The following NGLY1 variants were observed in gnomAD, a reference collection of about 807,000 sequenced individuals.
NGLY1 encodes peptide-N(4)-(N-acetyl-beta-glucosaminyl)asparagine amidase.
A neutral mutation model predicts 84.6 loss-of-function variants in NGLY1; 68 were observed. That is an observed-to-expected ratio of 0.80 (90% CI 0.66 to 0.98). The LOEUF (loss-of-function observed/expected upper bound fraction) is 0.98, where lower values mean the gene tolerates loss of function less well. Ranked by LOEUF, NGLY1 falls within the 50% of genes least tolerant of loss-of-function variation. The pLI, the probability that NGLY1 is intolerant of heterozygous loss-of-function variation, is 0.00. For synonymous variants in NGLY1, 280 were observed against 275.2 expected (o/e 1.02, Z -0.17); for missense variants, 779 against 770.2 (o/e 1.01, Z -0.14).
intron 4 of NGLY1, among the ~76,000 whole-genome samples, chr3:25,749,029 C>G (rs912748966): frequency 1.3e-5 from 2 of 151,986 alleles, no homozygotes; most frequent in Non-Finnish European, 2.9e-5. Context: ...AAATGCAAAT[C>G]AAAACTACAG....
chr3:25,773,189 GAGA>G (rs1707981627), intron 2 of NGLY1, among the ~76,000 whole-genome samples: 1 of 151,680 alleles, frequency 6.6e-6, no homozygotes, highest in Admixed American at 6.6e-5. Context: ...AGGAAGGCCA[GAGA>G]AGTTTTCCTC....
At chr3:25,734,011 T>C in intron 7 of NGLY1, 29 bp from the exon 8 acceptor site, 1 of 1,606,366 alleles carries the variant, frequency 6.2e-7, no homozygotes, top group South Asian at 1.1e-5. Context: ...TACAAATACT[T>C]AACAAGATTA....
chr3:25,784,717 C>G (rs561030124), upstream of NGLY1, among the ~76,000 whole-genome samples: 258 of 152,284 alleles, frequency 1.7e-3, no homozygotes, highest in African/African-American at 5.9e-3. Context: ...GCTATGACAT[C>G]CAGTTCAATG....
intron 10 of NGLY1, 68 bp from the exon 11 acceptor site, chr3:25,720,259 A>G (rs1704917449): frequency 7.8e-7 from 1 of 1,279,394 alleles, no homozygotes; most frequent in South Asian, 1.4e-5. Flanking sequence ...AAACAAACTT[A>G]GTGAAGAATA....
chr3:25,763,576 G>C (rs1191733427), intron 3 of NGLY1, among the ~76,000 whole-genome samples: 1 of 152,166 alleles, frequency 6.6e-6, no homozygotes, highest in African/African-American at 2.4e-5. Context: ...CTTAGGAGAA[G>C]AATATGTAAG....
At position 25,737,456 on chromosome 3, in the gene NGLY1, C is replaced by T. The variant is rs1247436795; in HGVS notation, c.882-1G>A. 6.3e-7 allele frequency: 1 copy of T among 1,593,334 alleles called. No individual in the cohort carries two copies. On this transcript the variant is annotated splice_acceptor_variant, in intron 5 of 11. Transcript: ENST00000280700. LOFTEE classifies it high-confidence loss of function. ...CAAAAGTTTCTCAGGGTTATTATATCTGGTTTAAAAAGAAAAAAAACCTTA... is the reference window on the plus strand; with the variant it reads ...CAAAAGTTTCTCAGGGTTATTATATTTGGTTTAAAAAGAAAAAAAACCTTA...
Position 25,732,464 on chromosome 3 carries a change from T to C in NGLY1, c.1280A>G (p.Glu427Gly). The C allele has an allele frequency of 6.2e-7, 1 of 1,613,168 alleles. No homozygotes were observed. The highest frequency in any genetic ancestry group is 2.2e-5 in the East Asian group (1 of 44,846). ...LNKQRQLFLS[E>G]NRRKELLQRI... ...CTGGAGAAGTTCTTTCCTTCTGTTT[T>C]CTGACAAAAACAGTTGCCTCTGTAA... Residue 427 changes from glutamate to glycine, a missense_variant, in exon 9 of 12, where the codon GAA becomes GGA. Coordinates refer to ENST00000280700, the MANE Select transcript of NGLY1 (RefSeq NM_018297.4).
At position 25,751,184 on chromosome 3, in the gene NGLY1, T is replaced by G; in HGVS notation, c.572A>C (p.Gln191Pro). ...CGGAATACAAGCCAACGCTTTCTCC[T>G]GAAGAGCAGGATTTTCATAGACCAG... ...HVLVYENPAL[Q>P]EKALACIPVQ... Residue 191 changes from glutamine (Q) to proline (P), a missense_variant, in exon 4 of 12, where the codon CAG becomes CCG. Transcript: ENST00000280700. 1 of 1,613,756 alleles carries G rather than the reference T, an allele frequency of 6.2e-7. No individual in the cohort carries two copies. The highest frequency in any genetic ancestry group is 8.5e-7 in the Non-Finnish European group (1 of 1,179,852).
At chr3:25,775,234 G>A (rs1015187674) in intron 2 of NGLY1, among the ~76,000 whole-genome samples, 3 of 152,200 alleles carry the variant, frequency 2.0e-5, no homozygotes, top group African/African-American at 7.2e-5. Flanking sequence ...CACGATGTGA[G>A]TTTCCAGGCA....
intron 4 of NGLY1, 45 bp downstream of exon 4, chr3:25,751,053 G>T (rs776626105): frequency 2.6e-6 from 4 of 1,557,340 alleles, no homozygotes; most frequent in Non-Finnish European, 3.5e-6. Flanking sequence ...TGTTTATTTA[G>T]CAATGATTTA....
chr3:25,787,714 C>A (rs1049418526), upstream of NGLY1, among the ~76,000 whole-genome samples: 1 of 152,206 alleles, frequency 6.6e-6, no homozygotes, highest in Non-Finnish European at 1.5e-5. Flanking sequence ...CATATGGTCT[C>A]TGAACTACGG....
At chr3:25,733,740 A>G (rs1705673994) in intron 8 of NGLY1, 132 bp downstream of exon 8, 3 of 462,224 alleles carry the variant, frequency 6.5e-6, no homozygotes, top group African/African-American at 6.0e-5. Context: ...TAATATTCAA[A>G]AAGAATATTA....
chr3:25,781,776 A>G (rs1028071528), intron 1 of NGLY1, among the ~76,000 whole-genome samples: 7 of 152,318 alleles, frequency 4.6e-5, no homozygotes, highest in African/African-American at 1.7e-4. Context: ...TTTGCATGCA[A>G]AGGTTTCCCC....
chr3:25,781,819 T>C (rs1393729611), intron 1 of NGLY1, among the ~76,000 whole-genome samples: 10 of 152,230 alleles, frequency 6.6e-5, no homozygotes, highest in Admixed American at 6.5e-4. Flanking sequence ...TGGGTTTCAC[T>C]AGATTTAAAG....
chr3:25,763,788 C>G (rs1707426471), intron 3 of NGLY1, among the ~76,000 whole-genome samples: 2 of 152,040 alleles, frequency 1.3e-5, no homozygotes, highest in Non-Finnish European at 2.9e-5. Flanking sequence ...CCTAAAGAAG[C>G]TTTTTTATTG....
At chr3:25,762,096 A>G (rs1575647911) in intron 3 of NGLY1, among the ~76,000 whole-genome samples, 1 of 152,192 alleles carries the variant, frequency 6.6e-6, no homozygotes, top group Non-Finnish European at 1.5e-5. Flanking sequence ...GCAAACGTCA[A>G]CATCAGTGAC....
chr3:25,720,275 G>A, intron 10 of NGLY1, 84 bp from the exon 11 acceptor site: 1 of 1,098,694 alleles, frequency 9.1e-7, no homozygotes, highest in Non-Finnish European at 1.3e-6. Flanking sequence ...GAATATTACT[G>A]TCACAGGGTA....
chr3:25,779,447 A>G (rs1708311129), intron 1 of NGLY1, among the ~76,000 whole-genome samples: 1 of 152,246 alleles, frequency 6.6e-6, no homozygotes, highest in Admixed American at 6.5e-5. Context: ...ATTATATTCA[A>G]AAGACCCTCA....
Position 25,745,063 on chromosome 3 carries a change from C to CTA in NGLY1, c.659-5266_659-5265dup, listed in dbSNP as rs538110237. On this transcript the variant is annotated intron_variant, in intron 4 of 11. Coordinates refer to ENST00000280700, the MANE Select transcript of NGLY1 (RefSeq NM_018297.4). ...TATGCCTACCATACCACTTATTTCA[C>CTA]TATATAAGTTTCCTTCACTTGTTAC... is the stretch of plus-strand genomic sequence containing the variant. Among the ~76,000 whole-genome samples the CTA allele has an allele frequency of 3.9e-3, 594 of 152,298 alleles. 4 individuals carry two copies. Among genetic ancestry groups the CTA allele is most frequent in the African/African-American group, 0.014 (567 of 41,568 alleles).
Sources: gnomAD v4.1 joint callset for allele counts (sites outside exome capture counted in the v4.1 genomes callset) on GRCh38, gnomAD v4.1.1 for gene constraint, MANE v1.5 for transcripts, NCBI Gene and HGNC (gene_info 2026-07-23, HGNC 2026-07-21) for gene names.